TTC6: variants seen among roughly 807,000 people sequenced by gnomAD.
TTC6 encodes tetratricopeptide repeat domain 6, also known as tetratricopeptide repeat protein 6.
Under a neutral mutation model 210.4 loss-of-function variants are expected in TTC6, and 172 were observed. That is an observed-to-expected ratio of 0.82 (90% confidence interval 0.72 to 0.93). The LOEUF (loss-of-function observed/expected upper bound fraction) is 0.93, where lower values mean the gene tolerates loss of function less well. Ranked by LOEUF, TTC6 falls within the 40% of genes least tolerant of loss-of-function variation. The pLI is 0.00. For missense variants in TTC6, 2,414 were observed against 2,318.1 expected (o/e 1.04, Z -0.85); for synonymous variants, 804 against 819.6 (o/e 0.98, Z 0.32).
chr14:37,782,180 T>C (rs1425591529), intron 14 of TTC6, among the ~76,000 whole-genome samples: 3 of 152,184 alleles, frequency 2.0e-5, no homozygotes. Context: ...ATTGGTAGCT[T>C]GATGGGGATG....
chr14:37,629,137 T>C (rs1474088527), intron 1 of TTC6, among the ~76,000 whole-genome samples: 1 of 152,150 alleles, frequency 6.6e-6, no homozygotes, highest in Non-Finnish European at 1.5e-5. Context: ...TTCTAGTTCT[T>C]TGAAGAAAGT....
intron 5 of TTC6, among the ~76,000 whole-genome samples, chr14:37,706,113 A>G (rs12887471): frequency 0.057 from 8,717 of 152,170 alleles, 385 homozygotes; most frequent in Non-Finnish European, 0.09. Flanking sequence ...CCCCGTATGT[A>G]TGTGTGAGGG....
chr14:37,808,177 A>T (rs1278365286), intron 23 of TTC6, among the ~76,000 whole-genome samples: 1 of 152,116 alleles, frequency 6.6e-6, no homozygotes, highest in Non-Finnish European at 1.5e-5. Flanking sequence ...CTTTGTAGCT[A>T]TTTTATATGA....
chr14:37,675,261 G>A (rs72674270), intron 1 of TTC6, among the ~76,000 whole-genome samples: 2,349 of 152,112 alleles, frequency 0.015, 20 homozygotes, highest in Non-Finnish European at 0.022. Flanking sequence ...GCAACAACAA[G>A]TTGGCTTTGT....
chr14:37,678,664 G>GT (rs1759829022), intron 1 of TTC6, among the ~76,000 whole-genome samples: 2 of 152,264 alleles, frequency 1.3e-5, no homozygotes, highest in Admixed American at 1.3e-4. Flanking sequence ...TCAGGTAATT[G>GT]TAGCTCTTAC....
chr14:37,816,895 G>A (rs185387293), intron 25 of TTC6, among the ~76,000 whole-genome samples: 3 of 152,238 alleles, frequency 2.0e-5, no homozygotes, highest in East Asian at 1.9e-4. Context: ...TCTGGGCTAC[G>A]GTGGCAGGAT....
At chr14:37,793,880 G>T (rs1334778746) in intron 17 of TTC6, among the ~76,000 whole-genome samples, 1 of 152,116 alleles carries the variant, frequency 6.6e-6, no homozygotes, top group Non-Finnish European at 1.5e-5. Flanking sequence ...TTTTCCATGA[G>T]ATATTTTTAA....
intron 1 of TTC6, among the ~76,000 whole-genome samples, chr14:37,647,990 C>T (rs1036039630): frequency 3.3e-5 from 5 of 151,952 alleles, no homozygotes; most frequent in Admixed American, 6.6e-5. Context: ...TTAACCATAG[C>T]GTTATAACTA....
chr14:37,603,867 T>C (rs1235053819), intron 1 of TTC6, among the ~76,000 whole-genome samples: 1 of 152,200 alleles, frequency 6.6e-6, no homozygotes, highest in Non-Finnish European at 1.5e-5. Flanking sequence ...AGACCTGGAT[T>C]CCAATCGAGA....
intron 10 of TTC6, 140 bp downstream of exon 12, chr14:37,739,295 G>A (rs2095910974): frequency 2.2e-6 from 2 of 927,454 alleles, no homozygotes; most frequent in Middle Eastern, 3.6e-4. Context: ...ACAAACCTCT[G>A]GCTGGGCGCC....
At chr14:37,785,200 A>G (rs1046038532) in intron 14 of TTC6, among the ~76,000 whole-genome samples, 2 of 152,168 alleles carry the variant, frequency 1.3e-5, no homozygotes, top group Non-Finnish European at 2.9e-5. Context: ...TCTCCTGGAT[A>G]ATATCCTGAA....
rs552739644 is a variant in TTC6, at chr14:37,641,852, A to G, written c.939+18849A>G. ...TGGGAGGTAACCTGATGAATTTTGT[A>G]TTATAGATAACAAAACTGAGACCCA... On this transcript the variant is annotated intron_variant, in intron 1 of 30. Transcript: ENST00000553443. Among the ~76,000 whole-genome samples the G allele has an allele frequency of 1.4e-3, 210 of 152,278 alleles. 3 individuals carry two copies. In the South Asian group the frequency reaches 0.014, roughly 10 times the overall value.
intron 8 of TTC6, among the ~76,000 whole-genome samples, chr14:37,736,224 A>G (rs981683042): frequency 4.6e-5 from 7 of 152,152 alleles, no homozygotes; most frequent in Middle Eastern, 3.4e-3. Flanking sequence ...CATCTCTAGT[A>G]AAAAAACAAA....
chr14:37,623,824 T>C (rs2095655701), intron 1 of TTC6, among the ~76,000 whole-genome samples: 1 of 152,066 alleles, frequency 6.6e-6, no homozygotes. Context: ...CTAGATGGGG[T>C]CATATTTAAG....
chr14:37,706,836 G>A (rs17768503), intron 5 of TTC6, among the ~76,000 whole-genome samples: 1 of 151,610 alleles, frequency 6.6e-6, no homozygotes, highest in Non-Finnish European at 1.5e-5. Flanking sequence ...TTTCATTTTA[G>A]TCTGTCTTAG....
intron 20 of TTC6, chr14:37,802,502 T>TAATTCTC (rs1393178989): frequency 5.9e-5 from 9 of 152,048 alleles, no homozygotes; most frequent in African/African-American, 2.2e-4. Flanking sequence ...CAGCCAAGTT[T>TAATTCTC]CCAGAGGAGA....
At chr14:37,757,024 A>G (rs1435959000) in intron 14 of TTC6, among the ~76,000 whole-genome samples, 2 of 152,118 alleles carry the variant, frequency 1.3e-5, no homozygotes, top group African/African-American at 4.8e-5. Flanking sequence ...CCTGAATTTC[A>G]GAACTTGTTA....
exon 31 of TTC6, chr14:37,842,386 T>C (rs555174188): frequency 1.7e-6 from 2 of 1,163,154 alleles, no homozygotes; most frequent in African/African-American, 1.6e-5. Flanking sequence ...ATTTTCATTA[T>C]TGTATTCGTT....
chr14:37,751,382 T>C (rs1256442144), intron 13 of TTC6, among the ~76,000 whole-genome samples, 157 bp downstream of exon 15: 3 of 152,198 alleles, frequency 2.0e-5, no homozygotes, highest in African/African-American at 4.8e-5. Flanking sequence ...ATTACTGGAA[T>C]TAATATTAAC....
Sources: gnomAD v4.1 joint callset for allele counts (sites outside exome capture counted in the v4.1 genomes callset) on GRCh38, gnomAD v4.1.1 for gene constraint, MANE v1.5 for transcripts, NCBI Gene and HGNC (gene_info 2026-07-23, HGNC 2026-07-21) for gene names.